The following COTL1 variants were observed in gnomAD, a reference collection of about 807,000 sequenced individuals.
The protein encoded by COTL1 is coactosin like F-actin binding protein 1.
COTL1 carries 15 observed loss-of-function variants against 16.5 expected under a neutral mutation model. The observed-to-expected ratio is 0.91, with a 90% CI of 0.61 to 1.40. The LOEUF is 1.40. COTL1 is among the 40% of genes most tolerant of loss of function. COTL1 has a pLI of 0.00. For synonymous variants in COTL1, 112 were observed against 85.3 expected, an observed-to-expected ratio of 1.31 and a Z score of -1.73; for missense variants, 220 against 201.5, an observed-to-expected ratio of 1.09 and a Z score of -0.56.
intron 3 of COTL1, among the ~76,000 whole-genome samples, chr16:84,584,704 G>T (rs1250471588): frequency 6.6e-6 from 1 of 152,172 alleles, no homozygotes; most frequent in Non-Finnish European, 1.5e-5. Flanking sequence ...TGTGCATCAC[G>T]GTGTTGTCTA....
intron 3 of COTL1, among the ~76,000 whole-genome samples, chr16:84,586,076 A>G (rs2914833): frequency 0.23 from 35,646 of 152,100 alleles, 4,362 homozygotes; most frequent in South Asian, 0.32. Context: ...GACACTGAGG[A>G]AAGAGGCCTC....
intron 3 of COTL1, among the ~76,000 whole-genome samples, chr16:84,588,818 G>A (rs958348807): frequency 2.6e-5 from 4 of 151,978 alleles, no homozygotes; most frequent in South Asian, 2.1e-4. Context: ...TGCTCAGCCC[G>A]TTTTTGTTTT....
Position 84,613,291 on chromosome 16 carries a change from C to T in COTL1, c.160+4210G>A, listed in dbSNP as rs534041075. Among the ~76,000 whole-genome samples the T allele has an allele frequency of 1.3e-4, 20 of 152,208 alleles. No individual in the cohort carries two copies. In the South Asian group the frequency reaches 3.1e-3, roughly 24 times the overall value. The stretch of plus-strand genomic sequence containing the variant: ...CCGGGATTACAGGCATGAGCCACGG[C>T]GCCCGGACTAGAGTGTTTCTGATTC... On this transcript the variant is annotated intron_variant, in intron 2 of 3. Coordinates refer to ENST00000262428, the MANE Select transcript of COTL1 (RefSeq NM_021149.5).
intron 2 of COTL1, among the ~76,000 whole-genome samples, chr16:84,617,197 G>A (rs928152096): frequency 2.6e-5 from 4 of 152,194 alleles, no homozygotes; most frequent in African/African-American, 4.8e-5. Flanking sequence ...GGACACTGGA[G>A]TTTGGAAACA....
chr16:84,606,729 C>A (rs1470288941), intron 2 of COTL1, among the ~76,000 whole-genome samples: 1 of 152,182 alleles, frequency 6.6e-6, no homozygotes, highest in Non-Finnish European at 1.5e-5. Context: ...CCCTAAAGGA[C>A]CCCTCAACCA....
intron 2 of COTL1, among the ~76,000 whole-genome samples, chr16:84,613,556 T>C (rs910681011): frequency 8.5e-5 from 13 of 152,090 alleles, no homozygotes; most frequent in African/African-American, 3.1e-4. Context: ...GCAGACAGCA[T>C]GAGTGTAATC....
At chr16:84,586,530 T>C (rs977502997) in intron 3 of COTL1, among the ~76,000 whole-genome samples, 2 of 152,250 alleles carry the variant, frequency 1.3e-5, no homozygotes, top group African/African-American at 4.8e-5. Flanking sequence ...ACATTGGAAC[T>C]CTGTTTAATG....
At chr16:84,603,669 G>T (rs866969724) in intron 2 of COTL1, among the ~76,000 whole-genome samples, 8 of 152,124 alleles carry the variant, frequency 5.3e-5, no homozygotes, top group Non-Finnish European at 1.0e-4. Context: ...TGGAGGCAGT[G>T]GGGGAGCCGG....
chr16:84,597,435 C>T (rs149691455), intron 2 of COTL1, among the ~76,000 whole-genome samples: 1 of 152,322 alleles, frequency 6.6e-6, no homozygotes, highest in Non-Finnish European at 1.5e-5. Context: ...AAGTCCACAG[C>T]AGCAGTTCTC....
At chr16:84,609,577 G>T (rs966804484) in intron 2 of COTL1, among the ~76,000 whole-genome samples, 1 of 152,144 alleles carries the variant, frequency 6.6e-6, no homozygotes, top group African/African-American at 2.4e-5. Flanking sequence ...CTACCTTAAG[G>T]GCCTCTTCCT....
At chr16:84,598,810 C>G (rs1285096253) in intron 2 of COTL1, among the ~76,000 whole-genome samples, 4 of 137,886 alleles carry the variant, frequency 2.9e-5, no homozygotes, top group African/African-American at 1.1e-4. Flanking sequence ...GCGGCGGGGA[C>G]CAAGCGGCAG....
chr16:84,589,991 G>C, intron 3 of COTL1, 114 bp downstream of exon 3: 2 of 1,045,822 alleles, frequency 1.9e-6, no homozygotes, highest in Non-Finnish European at 2.8e-6. Context: ...AGCATGGCTT[G>C]TCCCAAGTCA....
rs529795267 is a variant in COTL1, at chr16:84,570,041, G to A, written c.319-3086C>T. On this transcript the variant is annotated intron_variant, in intron 3 of 3. Coordinates refer to ENST00000262428, the MANE Select transcript of COTL1 (RefSeq NM_021149.5). The stretch of plus-strand genomic sequence containing the variant: ...GCCTGTAATCCCAGCACTTTGGGAG[G>A]CTGAGGAGAGCAGATCATGAGGTCA... 7.2e-5 allele frequency among the ~76,000 whole-genome samples: 11 copies of A among 152,304 alleles called. No homozygotes were observed. In the South Asian group the frequency reaches 1.9e-3, roughly 26 times the overall value.
At chr16:84,609,284 T>C (rs769842879) in intron 2 of COTL1, among the ~76,000 whole-genome samples, 2 of 152,228 alleles carry the variant, frequency 1.3e-5, no homozygotes, top group Non-Finnish European at 2.9e-5. Flanking sequence ...TTGGTCGCTA[T>C]ACTCCAGTTT....
chr16:84,612,369 G>C (rs567155448), intron 2 of COTL1, among the ~76,000 whole-genome samples: 11 of 152,150 alleles, frequency 7.2e-5, no homozygotes, highest in Non-Finnish European at 1.3e-4. Flanking sequence ...GTCCACATGG[G>C]GCCAAATGCC....
intron 3 of COTL1, among the ~76,000 whole-genome samples, chr16:84,588,758 C>A (rs997079155): frequency 7.2e-5 from 11 of 152,122 alleles, no homozygotes; most frequent in Admixed American, 4.6e-4. Context: ...CACAAGCAAT[C>A]CTCCCACCTT....
intron 3 of COTL1, among the ~76,000 whole-genome samples, chr16:84,587,932 C>T (rs567436922): frequency 1.1e-4 from 16 of 152,098 alleles, no homozygotes; most frequent in African/African-American, 1.7e-4. Flanking sequence ...CCACCACACC[C>T]GGCTAATTTC....
intron 3 of COTL1, among the ~76,000 whole-genome samples, chr16:84,586,661 C>G (rs563217558): frequency 6.6e-6 from 1 of 152,040 alleles, no homozygotes; most frequent in Non-Finnish European, 1.5e-5. Context: ...GGCTCAGTCT[C>G]CTGAGTTGAT....
intron 2 of COTL1, among the ~76,000 whole-genome samples, chr16:84,611,360 C>T (rs1045005944): frequency 4.6e-5 from 7 of 152,184 alleles, no homozygotes; most frequent in Admixed American, 2.0e-4. Context: ...AACTACGTAG[C>T]CATTTTTAAA....
Sources: allele counts gnomAD v4.1 joint callset (sites outside exome capture counted in the v4.1 genomes callset), GRCh38; gene constraint gnomAD v4.1.1; transcripts MANE v1.5; gene names NCBI Gene and HGNC (gene_info 2026-07-23, HGNC 2026-07-21).